The following NTN4 variants were observed in gnomAD, a reference collection of about 807,000 sequenced individuals.
NTN4 encodes the protein netrin 4.
A neutral mutation model predicts 73.6 loss-of-function variants in NTN4; 32 were observed. That is an observed-to-expected ratio of 0.44 (90% CI 0.33 to 0.58). The LOEUF (loss-of-function observed/expected upper bound fraction) is 0.58. Among genes scored for constraint, NTN4 ranks in the 20% least tolerant of loss-of-function variants. NTN4 has a pLI of 0.04. For synonymous variants in NTN4, 258 were observed against 287.5 expected (o/e 0.90, Z 1.04); for missense variants, 654 against 798.3 (o/e 0.82, Z 2.18).
chr12:95,755,134 G>A (rs995272732), intron 2 of NTN4, among the ~76,000 whole-genome samples: 1 of 152,044 alleles, frequency 6.6e-6, no homozygotes, highest in South Asian at 2.1e-4. Context: ...TATGTAATTC[G>A]CAGACTAGTT....
At chr12:95,659,381 A>C (rs2078118315) in intron 9 of NTN4, among the ~76,000 whole-genome samples, 159 bp from the exon 10 acceptor site, 1 of 151,942 alleles carries the variant, frequency 6.6e-6, no homozygotes, top group African/African-American at 2.4e-5. Flanking sequence ...CTGCAGCCTC[A>C]ATCTCCTGGG....
intron 5 of NTN4, among the ~76,000 whole-genome samples, chr12:95,694,672 T>TA (rs970633276): frequency 7.8e-4 from 119 of 151,996 alleles, no homozygotes; most frequent in African/African-American, 2.6e-3. Context: ...TGAAAAGCTA[T>TA]AAAAAAATAA....
intron 5 of NTN4, among the ~76,000 whole-genome samples, chr12:95,695,471 T>C (rs2078434244): frequency 6.6e-6 from 1 of 152,084 alleles, no homozygotes; most frequent in African/African-American, 2.4e-5. Context: ...TTCAAGTGAT[T>C]CTCCTGCCTC....
At position 95,738,067 on chromosome 12, in the gene NTN4, G is replaced by T; in HGVS notation, c.663C>A (p.Ile221=). The T allele has an allele frequency of 6.2e-7, 1 of 1,614,110 alleles. No homozygotes were observed. The highest frequency in any genetic ancestry group is 1.1e-5 in the South Asian group (1 of 91,074). ...YSAKVQEQLK[I]TNLRVQLLKR... ...TCAGCAGCTGCACGCGAAGGTTGGT[G>T]ATCTTCAGCTGCTCCTGAACTTTGG... Residue 221 remains isoleucine (I), a synonymous_variant, in exon 3 of 10, where the codon ATC becomes ATA. Coordinates refer to ENST00000343702, the MANE Select transcript of NTN4 (RefSeq NM_021229.4).
At chr12:95,737,633 A>G (rs2078787958) in intron 3 of NTN4, among the ~76,000 whole-genome samples, 1 of 152,178 alleles carries the variant, frequency 6.6e-6, no homozygotes, top group South Asian at 2.1e-4. Flanking sequence ...TCACAGTACT[A>G]AAAACTGGCA....
In NTN4 at chr12:95,658,739, G is replaced by A. The variant is rs535220983; in HGVS notation, c.*347C>T. 6.7e-5 allele frequency: 11 copies of A among 164,616 alleles called. No individual in the cohort carries two copies. The highest frequency in any genetic ancestry group is 1.2e-4 in the Non-Finnish European group (9 of 76,568). 10.2% of individuals were successfully genotyped at this position (164,616 alleles called of 1,614,324 possible). A position where few individuals can be genotyped will look rare whatever the true frequency, so the allele number is the denominator to read the frequency against. ...TTCATTACTTTAAGTAGCATCAAAC[G>A]TAAGTAACATCGCTGAAGCTGGAAG... On this transcript the variant is annotated 3_prime_UTR_variant, in exon 10 of 10. Transcript: ENST00000343702.
At chr12:95,690,497 T>C (rs530400915) in intron 5 of NTN4, among the ~76,000 whole-genome samples, 1 of 152,354 alleles carries the variant, frequency 6.6e-6, no homozygotes, top group Non-Finnish European at 1.5e-5. Context: ...GTCTCTACAT[T>C]AAATTTCCTA....
Position 95,659,011 on chromosome 12 carries a change from T to C in NTN4, c.*75A>G. On this transcript the variant is annotated 3_prime_UTR_variant, in exon 10 of 10. Coordinates refer to ENST00000343702, the MANE Select transcript of NTN4 (RefSeq NM_021229.4). ...GGCACTTTAAAAAATTCCAGTTTCCTGTCTGAGGTCTTCTTGCTCTAAAGT... is the reference window on the plus strand; with the variant it reads ...GGCACTTTAAAAAATTCCAGTTTCCCGTCTGAGGTCTTCTTGCTCTAAAGT... 7.0e-7 allele frequency: 1 copy of C among 1,430,268 alleles called. No individual in the cohort carries two copies. The highest frequency in any genetic ancestry group is 9.4e-7 in the Non-Finnish European group (1 of 1,064,410). 88.6% of individuals were successfully genotyped at this position (1,430,268 alleles called of 1,614,324 possible).
intron 2 of NTN4, among the ~76,000 whole-genome samples, chr12:95,753,062 T>C (rs10859934): frequency 0.86 from 130,951 of 151,942 alleles, 56,419 homozygotes; most frequent in South Asian, 0.93. Context: ...ATGACTGTAT[T>C]TCTCTGATCC....
chr12:95,756,368 T>C (rs1193479119), intron 2 of NTN4, among the ~76,000 whole-genome samples: 5 of 152,168 alleles, frequency 3.3e-5, no homozygotes, highest in African/African-American at 1.2e-4. Flanking sequence ...GTGAACGTTT[T>C]CTTCAAAGGT....
intron 9 of NTN4, among the ~76,000 whole-genome samples, chr12:95,662,208 C>CTCTCCT (rs1169050222): frequency 6.8e-6 from 1 of 147,712 alleles, no homozygotes; most frequent in Non-Finnish European, 1.5e-5. Flanking sequence ...CTTCCCTCCC[C>CTCTCCT]TCTCCTTCTG....
intron 5 of NTN4, among the ~76,000 whole-genome samples, chr12:95,703,519 T>C (rs2078501764): frequency 6.6e-6 from 1 of 152,194 alleles, no homozygotes; most frequent in Non-Finnish European, 1.5e-5. Flanking sequence ...ATTGGAGAGA[T>C]GTCAAAACTC....
Position 95,682,837 on chromosome 12 carries a change from C to T in NTN4, c.1395-15G>A. ...TGTCTGTGTGGCTAACAAAATAGAA[C>T]ATGATAAAGAACGTATTCAGGAATT... On this transcript the variant is annotated splice_polypyrimidine_tract_variant and intron_variant, in intron 6 of 9. Coordinates refer to ENST00000343702, the MANE Select transcript of NTN4 (RefSeq NM_021229.4). 1 of 1,497,566 alleles carries T rather than the reference C, an allele frequency of 6.7e-7. No individual in the cohort carries two copies. Among genetic ancestry groups the T allele is most frequent in the Non-Finnish European group, 9.3e-7 (1 of 1,076,738 alleles). The allele number at this position is 1,497,566 out of a possible 1,614,324, so 92.8% of individuals were successfully genotyped here. A position where few individuals can be genotyped will look rare whatever the true frequency, so the allele number is the denominator to read the frequency against.
rs1271418461 is a variant in NTN4, at chr12:95,789,195, T to G, written c.55+1060A>C. Among the ~76,000 whole-genome samples, 3 of 152,192 alleles carry G rather than the reference T, an allele frequency of 2.0e-5. No homozygotes were observed. Among genetic ancestry groups the G allele is most frequent in the Non-Finnish European group, 4.4e-5 (3 of 68,034 alleles). On this transcript the variant is annotated intron_variant, in intron 1 of 9. Coordinates refer to ENST00000343702, the MANE Select transcript of NTN4 (RefSeq NM_021229.4). The surrounding 1 kb of genome is among the most constrained non-coding windows in gnomAD (Gnocchi z 4.0). ...ATGATACTAAGGATGCTCCTGTGACTTGGACTGGTTTGGGATGCAGACTGG... is the reference window on the plus strand; with the variant it reads ...ATGATACTAAGGATGCTCCTGTGACGTGGACTGGTTTGGGATGCAGACTGG...
chr12:95,779,058 C>T (rs1426701725), intron 2 of NTN4, among the ~76,000 whole-genome samples: 1 of 152,094 alleles, frequency 6.6e-6, no homozygotes, highest in East Asian at 1.9e-4. Context: ...AGACAAAAAC[C>T]ACATTATTAT....
chr12:95,790,927 C>CCGGG (rs1391265820), upstream of NTN4, among the ~76,000 whole-genome samples: 21 of 84,452 alleles, frequency 2.5e-4, no homozygotes, highest in Admixed American at 5.7e-4. The surrounding 1 kb of genome is among the most constrained non-coding windows in gnomAD (Gnocchi z 6.5). Flanking sequence ...CCGCTGCCGC[C>CCGGG]CGGGGGGGGG....
At chr12:95,735,263 G>A (rs561288708) in intron 3 of NTN4, among the ~76,000 whole-genome samples, 14 of 152,160 alleles carry the variant, frequency 9.2e-5, no homozygotes, top group African/African-American at 2.9e-4. Flanking sequence ...TTTCTAAAGA[G>A]AATAGGGATA....
intron 2 of NTN4, among the ~76,000 whole-genome samples, chr12:95,758,111 G>T (rs1176977830): frequency 6.6e-6 from 1 of 152,202 alleles, no homozygotes; most frequent in East Asian, 1.9e-4. Flanking sequence ...GAGAGGAATT[G>T]CTAGGTGGTA....
intron 2 of NTN4, among the ~76,000 whole-genome samples, chr12:95,778,331 T>G (rs1279205369): frequency 6.6e-6 from 1 of 151,304 alleles, no homozygotes; most frequent in Admixed American, 6.6e-5. Flanking sequence ...CTGAAGGAGA[T>G]AGAGACACAA....
Sources: allele counts gnomAD v4.1 joint callset (sites outside exome capture counted in the v4.1 genomes callset), GRCh38; gene constraint gnomAD v4.1.1; non-coding constraint Gnocchi (gnomAD v3.1); transcripts MANE v1.5; gene names NCBI Gene and HGNC (gene_info 2026-07-23, HGNC 2026-07-21).